The following STAU1 variants were observed in gnomAD, a reference collection of about 807,000 sequenced individuals.
STAU1 encodes staufen double-stranded RNA binding protein 1.
In STAU1, 13 loss-of-function variants were observed where a neutral mutation model predicts 62.9. That is an observed-to-expected ratio of 0.21 (90% CI 0.13 to 0.33). The LOEUF is 0.33. Ranked by LOEUF, STAU1 falls within the 10% of genes least tolerant of loss-of-function variation. The probability of loss-of-function intolerance (pLI) is 1.00; values close to 1 mark genes in which losing one functional copy is unlikely to be tolerated. For synonymous variants in STAU1, 269 were observed against 265.1 expected (o/e 1.01, Z -0.14); for missense variants, 571 against 712.1 (o/e 0.80, Z 2.25).
In STAU1 at chr20:49,182,534, T is replaced by C. The variant is rs75664744; in HGVS notation, c.-160+5582A>G. Among the ~76,000 whole-genome samples, 97 of 152,234 alleles carry C rather than the reference T, an allele frequency of 6.4e-4. 1 individual carries two copies. The East Asian group carries it at 0.018, about 28-fold the overall frequency. On this transcript the variant is annotated intron_variant, in intron 1 of 13. Coordinates refer to ENST00000371856, the MANE Select transcript of STAU1 (RefSeq NM_017453.4). ...CTTCATAATACTGTATGGTAAAATG[T>C]TCATGACAAAGAGCAGAAGGTATGC...
upstream of STAU1, chr20:49,188,448 G>C (rs375564744): frequency 2.9e-5 from 4 of 136,232 alleles, no homozygotes; most frequent in East Asian, 1.1e-3. Context: ...CCCACGGTCC[G>C]AACCACAAGT....
intron 3 of STAU1, among the ~76,000 whole-genome samples, chr20:49,161,109 A>C (rs2093441432): frequency 6.6e-6 from 1 of 152,002 alleles, no homozygotes; most frequent in Non-Finnish European, 1.5e-5. Flanking sequence ...GTTTGAGCCC[A>C]GCAACTCAAA....
chr20:49,198,754 G>A, the STAU1 span, among the ~76,000 whole-genome samples: 2 of 151,920 alleles, frequency 1.3e-5, no homozygotes, highest in South Asian at 4.1e-4. Flanking sequence ...ACGAGGTCAG[G>A]AGATCAAGAC....
intron 12 of STAU1, among the ~76,000 whole-genome samples, chr20:49,116,758 C>G (rs2092335173): frequency 6.6e-6 from 1 of 152,166 alleles, no homozygotes; most frequent in Non-Finnish European, 1.5e-5. Flanking sequence ...TTCATCTGAA[C>G]AGAAGACCAA....
chr20:49,151,801 A>C, intron 4 of STAU1, 54 bp from the exon 5 acceptor site: 2 of 1,509,026 alleles, frequency 1.3e-6, no homozygotes, highest in South Asian at 1.2e-5. Context: ...TAAGTCACCT[A>C]TACACTCTCT....
chr20:49,152,468 C>T (rs1484609866), intron 4 of STAU1, among the ~76,000 whole-genome samples: 1 of 151,320 alleles, frequency 6.6e-6, no homozygotes, highest in East Asian at 2.0e-4. Flanking sequence ...CTCAGCCTCC[C>T]GAGTAGCTGG....
At chr20:49,181,923 C>A (rs1353634341) in intron 1 of STAU1, among the ~76,000 whole-genome samples, 1 of 151,916 alleles carries the variant, frequency 6.6e-6, no homozygotes, top group Non-Finnish European at 1.5e-5. Context: ...AAATTTCTAT[C>A]ATAATAAAAT....
intron 5 of STAU1, among the ~76,000 whole-genome samples, chr20:49,141,277 C>G (rs2093001906): frequency 6.6e-6 from 1 of 151,810 alleles, no homozygotes; most frequent in Non-Finnish European, 1.5e-5. Context: ...TGACGTCGGA[C>G]TGTTTTTTTC....
intron 8 of STAU1, among the ~76,000 whole-genome samples, chr20:49,120,588 T>C (rs2092443841): frequency 6.6e-6 from 1 of 152,294 alleles, no homozygotes; most frequent in East Asian, 1.9e-4. Flanking sequence ...ATAAGCTGTT[T>C]ATTGTCTAAC....
intron 6 of STAU1, among the ~76,000 whole-genome samples, chr20:49,135,240 G>GT (rs921270798): frequency 9.2e-5 from 14 of 152,150 alleles, no homozygotes; most frequent in African/African-American, 3.4e-4. Flanking sequence ...ATAAAAATAA[G>GT]TAACAAAAAA....
intron 1 of STAU1, among the ~76,000 whole-genome samples, chr20:49,182,470 A>G (rs2093736615): frequency 6.6e-6 from 1 of 152,224 alleles, no homozygotes; most frequent in Non-Finnish European, 1.5e-5. Context: ...TTATCTCCTT[A>G]GCAGGTGAGA....
At chr20:49,118,180 C>T in intron 10 of STAU1, 84 bp from the exon 11 acceptor site, 1 of 1,447,424 alleles carries the variant, frequency 6.9e-7, no homozygotes, top group Non-Finnish European at 9.6e-7. Context: ...CACGCTGGCC[C>T]TCCCCTTGGC....
intron 9 of STAU1, among the ~76,000 whole-genome samples, chr20:49,119,659 A>C (rs2092417462): frequency 6.6e-6 from 1 of 152,172 alleles, no homozygotes; most frequent in Admixed American, 6.5e-5. Context: ...CTAGAGTGCA[A>C]ATCACACTTA....
the STAU1 span, among the ~76,000 whole-genome samples, chr20:49,203,177 T>C: frequency 2.0e-5 from 3 of 151,922 alleles, no homozygotes; most frequent in Non-Finnish European, 4.4e-5. Flanking sequence ...GTAATCCCAA[T>C]ACTTTAGGAG....
the STAU1 span, among the ~76,000 whole-genome samples, chr20:49,209,531 G>A: frequency 4.6e-5 from 7 of 151,766 alleles, no homozygotes; most frequent in Admixed American, 2.6e-4. Flanking sequence ...ATCACATGAG[G>A]TCAGGAGTTC....
chr20:49,147,775 G>C (rs1001038526), intron 5 of STAU1, among the ~76,000 whole-genome samples: 1 of 152,222 alleles, frequency 6.6e-6, no homozygotes, highest in Non-Finnish European at 1.5e-5. Context: ...AAAGTGCTTA[G>C]GTGTGTGCTG....
At chr20:49,134,447 A>AAAAAAAAAAAAAAAAAAAAAAAAAAC (rs2092827789) in intron 6 of STAU1, 2 of 624,492 alleles carry the variant, frequency 3.2e-6, no homozygotes, top group African/African-American at 1.9e-5. Context: ...AAAAAAAAAA[A>AAAAAAAAAAAAAAAAAAAAAAAAAAC]AAGCTCTGGG....
chr20:49,151,452 T>C (rs2093247443), intron 5 of STAU1, 130 bp downstream of exon 5: 6 of 936,234 alleles, frequency 6.4e-6, no homozygotes, highest in South Asian at 5.1e-5. Context: ...CATAAAATCT[T>C]GGAGGCATTC....
At chr20:49,123,750 C>CTA (rs1251598832) in intron 7 of STAU1, among the ~76,000 whole-genome samples, 1 of 152,050 alleles carries the variant, frequency 6.6e-6, no homozygotes, top group African/African-American at 2.4e-5. Flanking sequence ...GACTTCCAGG[C>CTA]TATATTAAGC....
Sources: gnomAD v4.1 joint callset for allele counts (sites outside exome capture counted in the v4.1 genomes callset) on GRCh38, gnomAD v4.1.1 for gene constraint, MANE v1.5 for transcripts, NCBI Gene and HGNC (gene_info 2026-07-23, HGNC 2026-07-21) for gene names.